The following FRMD3 variants were observed in gnomAD, a reference collection of about 807,000 sequenced individuals.
The protein encoded by FRMD3 is FERM domain containing 3.
FRMD3 carries 33 observed loss-of-function variants against 70.2 expected under a neutral mutation model. The ratio of observed to expected loss-of-function variants is 0.47; its 90% CI spans 0.36 to 0.63. FRMD3 has a LOEUF of 0.63. FRMD3 is among the 20% of genes least tolerant of loss of function. FRMD3 has a pLI of 0.00. For missense variants in FRMD3, 632 were observed against 711.4 expected (o/e 0.89, Z 1.27); for synonymous variants, 279 against 255.9 (o/e 1.09, Z -0.86).
At chr9:83,284,404 T>C (rs1834106443) in intron 13 of FRMD3, among the ~76,000 whole-genome samples, 1 of 151,900 alleles carries the variant, frequency 6.6e-6, no homozygotes, top group South Asian at 2.1e-4. Flanking sequence ...GGGGAAGAGA[T>C]CAAGACCACC....
At chr9:83,487,656 G>A (rs139323486) in intron 1 of FRMD3, among the ~76,000 whole-genome samples, 121 of 152,296 alleles carry the variant, frequency 7.9e-4, no homozygotes, top group African/African-American at 2.7e-3. Context: ...GCCCTTATAA[G>A]CCTGGAGAGG....
intron 1 of FRMD3, among the ~76,000 whole-genome samples, chr9:83,395,436 T>C (rs1825786202): frequency 6.6e-6 from 1 of 152,110 alleles, no homozygotes; most frequent in Non-Finnish European, 1.5e-5. Flanking sequence ...ACCCAGGTAT[T>C]AAGCCTAGTA....
intron 1 of FRMD3, among the ~76,000 whole-genome samples, chr9:83,495,696 C>G (rs374717899): frequency 6.6e-6 from 1 of 152,180 alleles, no homozygotes; most frequent in African/African-American, 2.4e-5. Context: ...TAGTAAGCAT[C>G]TTTTCTGTGA....
At chr9:83,507,070 C>T (rs1382610195) in intron 1 of FRMD3, among the ~76,000 whole-genome samples, 2 of 152,128 alleles carry the variant, frequency 1.3e-5, no homozygotes, top group Non-Finnish European at 1.5e-5. Flanking sequence ...CCTATGATAA[C>T]AATATATCGA....
Position 83,357,217 on chromosome 9 carries a change from ATATATATTT to A in FRMD3, c.296-7469_296-7461del, listed in dbSNP as rs1170298076. The stretch of plus-strand genomic sequence containing the variant: ...TGTATATATATAACATACATGGAAT[ATATATATTT>A]TATATATATATAATACATACATATA... On this transcript the variant is annotated intron_variant, in intron 3 of 13. Coordinates refer to ENST00000304195, the MANE Select transcript of FRMD3 (RefSeq NM_174938.6). Among the ~76,000 whole-genome samples the A allele has an allele frequency of 2.0e-3, 51 of 25,776 alleles. 8 individuals carry two copies. In the East Asian group the frequency reaches 0.12, roughly 60 times the overall value. The allele number at this position is 25,776 out of a possible 152,430, so 16.9% of individuals were successfully genotyped here. A position where few individuals can be genotyped will look rare whatever the true frequency, so the allele number is the denominator to read the frequency against.
In FRMD3 at chr9:83,247,536, CTT is replaced by C; in HGVS notation, c.*380_*381del. ...TAAGGATTATATTCAACAACTTTCT[CTT>C]GAGTTGTTACTAAAATTCTGATTCT... On this transcript the variant is annotated 3_prime_UTR_variant, in exon 14 of 14. Coordinates refer to ENST00000304195, the MANE Select transcript of FRMD3 (RefSeq NM_174938.6). 1 of 992,972 alleles carries C rather than the reference CTT, an allele frequency of 1.0e-6. No individual in the cohort carries two copies. The highest frequency in any genetic ancestry group is 1.2e-6 in the Non-Finnish European group (1 of 832,938). 61.5% of individuals were successfully genotyped at this position (992,972 alleles called of 1,614,324 possible).
chr9:83,322,037 C>G (rs1437366666), intron 6 of FRMD3, among the ~76,000 whole-genome samples: 1 of 152,088 alleles, frequency 6.6e-6, no homozygotes, highest in African/African-American at 2.4e-5. Flanking sequence ...AACTTGAACT[C>G]GGCCCACGGT....
At chr9:83,558,041 C>T in the FRMD3 span, among the ~76,000 whole-genome samples, 1 of 152,144 alleles carries the variant, frequency 6.6e-6, no homozygotes, top group Admixed American at 6.6e-5. Context: ...CAGAGTATCA[C>T]TCTGTTTTTT....
chr9:83,369,685 G>C (rs1166534572), intron 3 of FRMD3, among the ~76,000 whole-genome samples: 3 of 151,572 alleles, frequency 2.0e-5, no homozygotes, highest in Non-Finnish European at 4.4e-5. Flanking sequence ...ATCAATTATG[G>C]ATATTTTTAA....
intron 1 of FRMD3, among the ~76,000 whole-genome samples, chr9:83,536,959 G>A: frequency 1.0e-5 from 1 of 97,890 alleles, no homozygotes; most frequent in Admixed American, 9.9e-5. Context: ...AAAAAGCTCA[G>A]TCCCAGAGCC....
intron 6 of FRMD3, chr9:83,332,072 A>G: frequency 1.7e-6 from 1 of 602,394 alleles, no homozygotes. Context: ...TCTGGTGGGC[A>G]CAGAGCAGAG....
intron 2 of FRMD3, among the ~76,000 whole-genome samples, chr9:83,379,645 G>T (rs931106734): frequency 2.0e-5 from 3 of 152,140 alleles, no homozygotes; most frequent in Non-Finnish European, 4.4e-5. Flanking sequence ...TACCAGGAAG[G>T]CATCTGCAGC....
At chr9:83,375,240 T>C (rs1445626135) in intron 2 of FRMD3, among the ~76,000 whole-genome samples, 10 of 152,246 alleles carry the variant, frequency 6.6e-5, no homozygotes, top group Admixed American at 5.9e-4. Context: ...ACAGGGAACA[T>C]GTAAGGCATG....
chr9:83,303,562 C>T (rs1208996997), intron 10 of FRMD3, among the ~76,000 whole-genome samples: 1 of 152,206 alleles, frequency 6.6e-6, no homozygotes, highest in Non-Finnish European at 1.5e-5. Context: ...TGATGCTGGT[C>T]CAGGGACCTG....
chr9:83,349,371 C>A (rs572312828), intron 4 of FRMD3, among the ~76,000 whole-genome samples: 56 of 152,178 alleles, frequency 3.7e-4, no homozygotes, highest in Non-Finnish European at 7.2e-4. Context: ...TGAATTTGCC[C>A]ATGTCTCGAA....
intron 1 of FRMD3, among the ~76,000 whole-genome samples, chr9:83,401,647 G>A (rs1825953175): frequency 6.6e-6 from 1 of 152,190 alleles, no homozygotes; most frequent in African/African-American, 2.4e-5. Flanking sequence ...ATCTCTTTGA[G>A]ATGTGAAGGG....
At chr9:83,370,739 C>T (rs572054313) in intron 3 of FRMD3, among the ~76,000 whole-genome samples, 4 of 152,220 alleles carry the variant, frequency 2.6e-5, no homozygotes, top group South Asian at 2.1e-4. Context: ...TGGTGAAACC[C>T]GGTCTCTACT....
At chr9:83,498,332 A>G (rs1382261007) in intron 1 of FRMD3, among the ~76,000 whole-genome samples, 1 of 152,212 alleles carries the variant, frequency 6.6e-6, no homozygotes, top group Non-Finnish European at 1.5e-5. Flanking sequence ...GTAGAGACCA[A>G]ACTTGACACA....
chr9:83,424,387 A>G (rs930736434), intron 1 of FRMD3, among the ~76,000 whole-genome samples: 1 of 152,224 alleles, frequency 6.6e-6, no homozygotes, highest in Non-Finnish European at 1.5e-5. Flanking sequence ...AAAAATATAC[A>G]GACCACTGAA....
Sources: gnomAD v4.1 joint callset for allele counts (sites outside exome capture counted in the v4.1 genomes callset) on GRCh38, gnomAD v4.1.1 for gene constraint, MANE v1.5 for transcripts, NCBI Gene and HGNC (gene_info 2026-07-23, HGNC 2026-07-21) for gene names.